MTUS1: variants seen among roughly 807,000 people sequenced by gnomAD.
MTUS1 encodes the protein microtubule-associated tumor suppressor 1.
MTUS1 carries 109 observed loss-of-function variants against 120.8 expected under a neutral mutation model. That is an observed-to-expected ratio of 0.90 (90% CI 0.77 to 1.06). MTUS1 has a LOEUF of 1.06. MTUS1 is among the 50% of genes least tolerant of loss of function. MTUS1 has a pLI of 0.00. For missense variants in MTUS1, 2,210 were observed against 1,486.3 expected (o/e 1.49, Z -8.01); for synonymous variants, 737 against 550.5 (o/e 1.34, Z -4.74).
Position 17,663,197 on chromosome 8 carries a change from A to G in MTUS1, c.2906-7132T>C, listed in dbSNP as rs1810153381. ...GAGCTGGAGTCCTCCCAGGTCCTTC[A>G]TTACTTAGCCCTGCAGAACTGGAGT... is the stretch of plus-strand genomic sequence containing the variant. On this transcript the variant is annotated intron_variant, in intron 8 of 14. Coordinates refer to ENST00000693296, the MANE Select transcript of MTUS1 (RefSeq NM_001363059.2). Among the ~76,000 whole-genome samples the G allele has an allele frequency of 2.0e-5, 3 of 152,200 alleles. No homozygotes were observed. In the South Asian group the frequency reaches 6.2e-4, roughly 31 times the overall value.
At chr8:17,772,854 A>G (rs888406013) in intron 1 of MTUS1, among the ~76,000 whole-genome samples, 1 of 152,246 alleles carries the variant, frequency 6.6e-6, no homozygotes, top group Non-Finnish European at 1.5e-5. Context: ...AGGAAAAACC[A>G]TATGAACATA....
chr8:17,754,491 G>T lies in MTUS1; in HGVS notation c.1317C>A (p.Thr439=). Residue 439 remains threonine, a synonymous_variant, in exon 2 of 15, where the codon ACC becomes ACA. Transcript: ENST00000693296. ...STPVLEPTKV[T]FSVSPIEATE... ...TCGCTTCAATCGGTGAAACAGAAAAGGTTACTTTTGTGGGTTCTAGGACTG... is the reference window on the plus strand; with the variant it reads ...TCGCTTCAATCGGTGAAACAGAAAATGTTACTTTTGTGGGTTCTAGGACTG... 4 of 1,614,200 alleles carry T rather than the reference G, an allele frequency of 2.5e-6. No homozygotes were observed. Among genetic ancestry groups the T allele is most frequent in the Non-Finnish European group, 3.4e-6 (4 of 1,180,034 alleles).
At chr8:17,797,721 T>A (rs531591423) in intron 1 of MTUS1, among the ~76,000 whole-genome samples, 47 of 152,300 alleles carry the variant, frequency 3.1e-4, no homozygotes, top group African/African-American at 1.1e-3. Flanking sequence ...TAAGTGCCCC[T>A]AAGCACGCAG....
chr8:17,688,073 C>G (rs992902969), intron 6 of MTUS1, among the ~76,000 whole-genome samples: 6 of 152,178 alleles, frequency 3.9e-5, no homozygotes, highest in African/African-American at 1.4e-4. Context: ...AATCTGCTGG[C>G]TTTTCCAATT....
At chr8:17,764,569 T>A (rs1315459292) in intron 1 of MTUS1, among the ~76,000 whole-genome samples, 39 of 152,230 alleles carry the variant, frequency 2.6e-4, no homozygotes. Context: ...CTTCACACGT[T>A]AATCTAGTCC....
chr8:17,656,433 C>A (rs576668484), intron 8 of MTUS1, among the ~76,000 whole-genome samples: 1 of 151,750 alleles, frequency 6.6e-6, no homozygotes, highest in East Asian at 1.9e-4. Flanking sequence ...GAGGGTGAGG[C>A]AGGAGAATTG....
intron 4 of MTUS1, chr8:17,721,718 T>TC: frequency 1.3e-6 from 2 of 1,556,472 alleles, no homozygotes; most frequent in Non-Finnish European, 1.7e-6. Flanking sequence ...CTACTTTTTT[T>TC]CCCAGTAAAC....
chr8:17,721,806 C>G, intron 4 of MTUS1: 1 of 1,614,156 alleles, frequency 6.2e-7, no homozygotes, highest in Non-Finnish European at 8.5e-7. Flanking sequence ...CATAGTGCCT[C>G]TCTGAACCAG....
intron 7 of MTUS1, chr8:17,676,256 T>C (rs1420945347): frequency 5.7e-6 from 4 of 703,028 alleles, no homozygotes; most frequent in South Asian, 3.0e-5. Flanking sequence ...AGAAAAGCAC[T>C]ATAAACAAAT....
chr8:17,778,300 T>C (rs2050613102), intron 1 of MTUS1, among the ~76,000 whole-genome samples: 1 of 152,178 alleles, frequency 6.6e-6, no homozygotes, highest in Non-Finnish European at 1.5e-5. Flanking sequence ...TAACTCCATT[T>C]ATATAATATT....
At chr8:17,676,701 C>T (rs1269452112) in intron 7 of MTUS1, among the ~76,000 whole-genome samples, 2 of 152,146 alleles carry the variant, frequency 1.3e-5, no homozygotes, top group Non-Finnish European at 2.9e-5. Context: ...TATTTTTAGA[C>T]TTGTGAGCCT....
At chr8:17,796,013 G>A (rs890941230) in intron 1 of MTUS1, among the ~76,000 whole-genome samples, 2 of 151,512 alleles carry the variant, frequency 1.3e-5, no homozygotes, top group South Asian at 2.1e-4. Flanking sequence ...GCAGTGGAGC[G>A]ATCTCAGCTC....
intron 3 of MTUS1, among the ~76,000 whole-genome samples, chr8:17,735,690 T>G (rs1245601476): frequency 6.6e-6 from 1 of 152,238 alleles, no homozygotes; most frequent in African/African-American, 2.4e-5. Context: ...TCACAACAAG[T>G]TAGTGTTGCT....
At chr8:17,696,081 T>C (rs1195343906) in intron 6 of MTUS1, among the ~76,000 whole-genome samples, 1 of 152,186 alleles carries the variant, frequency 6.6e-6, no homozygotes, top group African/African-American at 2.4e-5. Context: ...TTTGTTATTT[T>C]TCCCCCCTAT....
chr8:17,774,943 C>T (rs2050293781), intron 1 of MTUS1, among the ~76,000 whole-genome samples: 1 of 113,934 alleles, frequency 8.8e-6, no homozygotes, highest in Admixed American at 1.1e-4. Context: ...CATGCTGCAA[C>T]ATGGCTGAAC....
At chr8:17,740,890 A>T (rs563633496) in intron 3 of MTUS1, among the ~76,000 whole-genome samples, 4 of 152,020 alleles carry the variant, frequency 2.6e-5, no homozygotes, top group East Asian at 3.9e-4. Flanking sequence ...TTTGAAAGAG[A>T]GTTTCGCTCT....
At chr8:17,757,970 G>A (rs963632703) in intron 1 of MTUS1, among the ~76,000 whole-genome samples, 4 of 152,160 alleles carry the variant, frequency 2.6e-5, no homozygotes, top group African/African-American at 9.7e-5. Context: ...CTGATGGAAA[G>A]TGTAAATTTG....
chr8:17,700,849 G>C (rs1341137135), intron 6 of MTUS1, among the ~76,000 whole-genome samples: 11 of 152,014 alleles, frequency 7.2e-5, no homozygotes, highest in African/African-American at 1.7e-4. Flanking sequence ...TAACAAAAGA[G>C]GATGATACAG....
chr8:17,763,725 G>C (rs2131394238), intron 1 of MTUS1, among the ~76,000 whole-genome samples: 1 of 152,310 alleles, frequency 6.6e-6, no homozygotes, highest in South Asian at 2.1e-4. Flanking sequence ...AGTAACTGTG[G>C]CTGGCTGGTT....
Sources: gnomAD v4.1 joint callset for allele counts (sites outside exome capture counted in the v4.1 genomes callset) on GRCh38, gnomAD v4.1.1 for gene constraint, MANE v1.5 for transcripts, NCBI Gene and HGNC (gene_info 2026-07-23, HGNC 2026-07-21) for gene names.